Variants in SORCS1 observed in about 807,000 individuals in gnomAD.
SORCS1 encodes sortilin related VPS10 domain containing receptor 1.
A neutral mutation model predicts 146.1 loss-of-function variants in SORCS1; 60 were observed. That is an observed-to-expected ratio of 0.41 (90% CI 0.33 to 0.51). SORCS1 has a LOEUF of 0.51. Among genes scored for constraint, SORCS1 ranks in the 20% least tolerant of loss-of-function variants. The pLI is 0.21. For missense variants in SORCS1, 1,352 were observed against 1,487.6 expected (o/e 0.91, Z 1.50); for synonymous variants, 637 against 584.0 (o/e 1.09, Z -1.31).
chr10:107,079,704 G>A (rs1963176961), intron 1 of SORCS1, among the ~76,000 whole-genome samples: 1 of 152,158 alleles, frequency 6.6e-6, no homozygotes, highest in African/African-American at 2.4e-5. Flanking sequence ...AAACCAGGAA[G>A]GCCCAGAGTG....
intron 22 of SORCS1, among the ~76,000 whole-genome samples, chr10:106,608,298 C>T (rs1419483778): frequency 6.6e-6 from 1 of 152,200 alleles, no homozygotes. Context: ...AATATTTCAG[C>T]TTTTTCCTGC....
rs545515268 is a variant in SORCS1 at position 106,671,143 on chromosome 10, T to C, written c.2189+94A>G. The C allele has an allele frequency of 6.3e-5, 97 of 1,545,572 alleles. No individual in the cohort carries two copies. In the African/African-American group the frequency reaches 1.2e-3, roughly 20 times the overall value. ...ATATGAAGCTGGCCACTTAGCCCTA[T>C]GTATGTTACTATTATTTCAATTCTA... On this transcript the variant is annotated intron_variant, in intron 16 of 25. Coordinates refer to ENST00000263054, the MANE Select transcript of SORCS1 (RefSeq NM_052918.5).
intron 2 of SORCS1, among the ~76,000 whole-genome samples, chr10:106,869,220 G>T (rs1016846477): frequency 6.6e-6 from 1 of 152,052 alleles, no homozygotes; most frequent in African/African-American, 2.4e-5. Context: ...ACCAATAAAA[G>T]CCCAGGAACA....
intron 1 of SORCS1, among the ~76,000 whole-genome samples, chr10:107,003,197 GTGAGC>G (rs1327283169): frequency 1.3e-5 from 2 of 152,034 alleles, no homozygotes; most frequent in Non-Finnish European, 2.9e-5. Flanking sequence ...AGAGGTTACA[GTGAGC>G]TGAGATCACA....
chr10:107,166,465 A>G (rs1334375313), upstream of SORCS1, among the ~76,000 whole-genome samples: 3 of 152,226 alleles, frequency 2.0e-5, no homozygotes, highest in African/African-American at 7.2e-5. Context: ...ACCTAAAAGG[A>G]CCTAAAAGAG....
chr10:107,168,666 CTTT>C (rs57998261), upstream of SORCS1, among the ~76,000 whole-genome samples: 4,193 of 119,198 alleles, frequency 0.035, 202 homozygotes, highest in African/African-American at 0.11. Flanking sequence ...CAGCTCATGC[CTTT>C]TTTTTTTTTT....
At position 106,645,140 on chromosome 10, in the gene SORCS1, ATT is replaced by A. The variant is rs34874269; in HGVS notation, c.2475+7240_2475+7241del. ...CTCAATAACACCTGATATTATTAGCATTTTTTTTTTTTTGAGAGGGTGTCTTA... is the reference window on the plus strand; with the variant it reads ...CTCAATAACACCTGATATTATTAGCATTTTTTTTTTTGAGAGGGTGTCTTA... On this transcript the variant is annotated intron_variant, in intron 18 of 25. Transcript: ENST00000263054. Among the ~76,000 whole-genome samples, 689 of 141,242 alleles carry A rather than the reference ATT, an allele frequency of 4.9e-3. 7 individuals carry two copies. Among genetic ancestry groups the A allele is most frequent in the East Asian group, 0.026 (125 of 4,810 alleles). The allele number at this position is 141,242 out of a possible 152,430, so 92.7% of individuals were successfully genotyped here. A position where few individuals can be genotyped will look rare whatever the true frequency, so the allele number is the denominator to read the frequency against.
At chr10:106,751,142 C>G (rs912846353) in intron 5 of SORCS1, among the ~76,000 whole-genome samples, 10 of 142,130 alleles carry the variant, frequency 7.0e-5, no homozygotes, top group African/African-American at 2.6e-4. Context: ...ATGTGGAGAT[C>G]ATTAACAATA....
intron 5 of SORCS1, among the ~76,000 whole-genome samples, chr10:106,747,216 G>T (rs1298413789): frequency 6.6e-6 from 1 of 152,160 alleles, no homozygotes; most frequent in Non-Finnish European, 1.5e-5. Flanking sequence ...TTATAGAATT[G>T]TCCTGTTTAG....
At chr10:106,797,036 G>C (rs1946601334) in intron 3 of SORCS1, among the ~76,000 whole-genome samples, 3 of 152,176 alleles carry the variant, frequency 2.0e-5, no homozygotes. Context: ...GAACCTGGGA[G>C]ACGGAGGTTG....
At chr10:106,824,911 C>T (rs1053101215) in intron 3 of SORCS1, among the ~76,000 whole-genome samples, 5 of 152,058 alleles carry the variant, frequency 3.3e-5, no homozygotes, top group African/African-American at 1.2e-4. Context: ...TGAGAAAAAA[C>T]TGGAGTGTGA....
intron 18 of SORCS1, among the ~76,000 whole-genome samples, chr10:106,642,796 G>A (rs1157272150): frequency 6.6e-6 from 1 of 152,210 alleles, no homozygotes; most frequent in Admixed American, 6.5e-5. Context: ...GGGGAACCCA[G>A]AGAGGATTTC....
In SORCS1 at chr10:107,060,578, C is replaced by A. The variant is rs1961100330; in HGVS notation, c.558+103391G>T. 6.6e-6 allele frequency among the ~76,000 whole-genome samples: 1 copy of A among 152,140 alleles called. No individual in the cohort carries two copies. The highest frequency in any genetic ancestry group is 2.4e-5 in the African/African-American group (1 of 41,424). On this transcript the variant is annotated intron_variant, in intron 1 of 25. Coordinates refer to ENST00000263054, the MANE Select transcript of SORCS1 (RefSeq NM_052918.5). The surrounding 1 kb of genome is among the most constrained non-coding windows in gnomAD (Gnocchi z 4.1). Reference sequence around the variant, plus strand: ...CAAGGACCTTCCTTGGGATCAAAGTCATTTTTCTGTGCTCAGGAAAAGGAG... The same window carrying A: ...CAAGGACCTTCCTTGGGATCAAAGTAATTTTTCTGTGCTCAGGAAAAGGAG...
chr10:107,095,043 CT>C (rs1964452621), intron 1 of SORCS1, among the ~76,000 whole-genome samples: 1 of 152,294 alleles, frequency 6.6e-6, no homozygotes, highest in African/African-American at 2.4e-5. Flanking sequence ...AAAATCCCCC[CT>C]GGCCTAGTGT....
chr10:107,168,574 G>C (rs541083597), upstream of SORCS1, among the ~76,000 whole-genome samples: 11 of 151,974 alleles, frequency 7.2e-5, no homozygotes, highest in South Asian at 2.3e-3. Flanking sequence ...ACAAGCCTAG[G>C]AGCACAACTC....
chr10:106,974,655 A>C (rs1955920977), intron 1 of SORCS1, among the ~76,000 whole-genome samples: 1 of 152,206 alleles, frequency 6.6e-6, no homozygotes, highest in African/African-American at 2.4e-5. Flanking sequence ...AAGGGTTTGA[A>C]GCTATTACTT....
chr10:107,057,993 T>C (rs1490704215), intron 1 of SORCS1, among the ~76,000 whole-genome samples: 1 of 152,202 alleles, frequency 6.6e-6, no homozygotes, highest in Non-Finnish European at 1.5e-5. Flanking sequence ...CTTACTGGCC[T>C]TGTTTTAAAG....
intron 22 of SORCS1, 74 bp from the exon 23 acceptor site, chr10:106,607,371 G>A (rs1302128071): frequency 6.4e-7 from 1 of 1,571,752 alleles, no homozygotes; most frequent in Non-Finnish European, 8.6e-7. Context: ...TATTTGGTGG[G>A]GGGATCAGGG....
chr10:106,659,020 C>A (rs1850518360), intron 17 of SORCS1, among the ~76,000 whole-genome samples: 1 of 152,190 alleles, frequency 6.6e-6, no homozygotes, highest in South Asian at 2.1e-4. Flanking sequence ...GTCATTTATT[C>A]TTTAACTGGG....
Sources: gnomAD v4.1 joint callset for allele counts (sites outside exome capture counted in the v4.1 genomes callset) on GRCh38, gnomAD v4.1.1 for gene constraint, Gnocchi (gnomAD v3.1) non-coding constraint, MANE v1.5 for transcripts, NCBI Gene and HGNC (gene_info 2026-07-23, HGNC 2026-07-21) for gene names.